The following TRAPPC8 variants were observed in gnomAD, a reference collection of about 807,000 sequenced individuals.
TRAPPC8 encodes trafficking protein particle complex subunit 8, also known as general sporulation gene 1 homolog.
A neutral mutation model predicts 174.3 loss-of-function variants in TRAPPC8; 54 were observed. The ratio of observed to expected loss-of-function variants is 0.31; its 90% CI spans 0.25 to 0.39. TRAPPC8 has a LOEUF of 0.39. TRAPPC8 is among the 10% of genes least tolerant of loss of function. TRAPPC8 has a pLI of 1.00. For missense variants in TRAPPC8, 1,531 were observed against 1,699.1 expected (o/e 0.90, Z 1.74); for synonymous variants, 630 against 579.9 (o/e 1.09, Z -1.24).
At chr18:31,850,339 G>C (rs1440087817) in intron 24 of TRAPPC8, among the ~76,000 whole-genome samples, 1 of 152,068 alleles carries the variant, frequency 6.6e-6, no homozygotes, top group Non-Finnish European at 1.5e-5. Context: ...AGTATCTAGG[G>C]AGAATGAATG....
chr18:31,902,348 T>TAAC (rs551963208), intron 9 of TRAPPC8, among the ~76,000 whole-genome samples: 1 of 151,830 alleles, frequency 6.6e-6, no homozygotes, highest in Non-Finnish European at 1.5e-5. Context: ...AAACAAACAA[T>TAAC]AACAACAACA....
chr18:31,886,029 G>C (rs2035694436), intron 12 of TRAPPC8, among the ~76,000 whole-genome samples: 1 of 150,546 alleles, frequency 6.6e-6, no homozygotes, highest in African/African-American at 2.4e-5. Flanking sequence ...TTTTGAGATG[G>C]AGTTTTGCTC....
At chr18:31,859,440 C>T (rs927696056) in intron 19 of TRAPPC8, among the ~76,000 whole-genome samples, 1 of 152,184 alleles carries the variant, frequency 6.6e-6, no homozygotes, top group African/African-American at 2.4e-5. Context: ...CACTGACTCT[C>T]TGTACTGATT....
chr18:31,889,162 A>G (rs763307906), intron 12 of TRAPPC8, among the ~76,000 whole-genome samples: 4 of 152,202 alleles, frequency 2.6e-5, no homozygotes, highest in Non-Finnish European at 4.4e-5. Flanking sequence ...AGTGGTCATG[A>G]AATAGCAAAC....
intron 20 of TRAPPC8, among the ~76,000 whole-genome samples, chr18:31,856,470 C>T (rs1003523199): frequency 6.7e-6 from 1 of 149,046 alleles, no homozygotes; most frequent in African/African-American, 2.5e-5. Context: ...TTAAGTGAGG[C>T]CCACCTCAGC....
chr18:31,846,569 C>T (rs577733123), intron 26 of TRAPPC8, 147 bp downstream of exon 26: 55 of 637,468 alleles, frequency 8.6e-5, no homozygotes, highest in Admixed American at 7.6e-4. Flanking sequence ...GAGTGAGATC[C>T]AGTCTCAAAA....
chr18:31,886,589 C>T (rs1365730922), intron 12 of TRAPPC8, among the ~76,000 whole-genome samples: 1 of 152,088 alleles, frequency 6.6e-6, no homozygotes, highest in Non-Finnish European at 1.5e-5. Flanking sequence ...CACTCTTCCC[C>T]AGCGTTTTTT....
At chr18:31,902,073 G>A (rs2036452314) in intron 9 of TRAPPC8, among the ~76,000 whole-genome samples, 1 of 152,204 alleles carries the variant, frequency 6.6e-6, no homozygotes, top group Non-Finnish European at 1.5e-5. Context: ...CCAGCACTTT[G>A]GGAGGCTTAG....
chr18:31,839,566 T>C, intron 26 of TRAPPC8, 109 bp from the exon 27 acceptor site: 2 of 990,568 alleles, frequency 2.0e-6, no homozygotes, highest in Non-Finnish European at 2.8e-6. Flanking sequence ...GATAATGTAA[T>C]GCATGAACAG....
intron 4 of TRAPPC8, among the ~76,000 whole-genome samples, chr18:31,914,322 C>T (rs1314059477): frequency 1.3e-5 from 2 of 152,162 alleles, no homozygotes; most frequent in East Asian, 1.9e-4. Flanking sequence ...AATGCAGATG[C>T]ATGTGTGTGT....
chr18:31,918,096 A>G (rs113729055), intron 2 of TRAPPC8, among the ~76,000 whole-genome samples: 1,719 of 152,314 alleles, frequency 0.011, 18 homozygotes, highest in Non-Finnish European at 0.019. Flanking sequence ...ACTGCACTCC[A>G]GCCTGGGTGA....
In TRAPPC8 at chr18:31,920,766, C is replaced by T. The variant is rs115454946; in HGVS notation, c.353-3099G>A. On this transcript the variant is annotated intron_variant, in intron 2 of 28. Coordinates refer to ENST00000283351, the MANE Select transcript of TRAPPC8 (RefSeq NM_014939.5). ...ATCAGCCTCGACCAACATGGTAGAA[C>T]GCTGTCTCTACTAAAAATGCAAAAA... 4.6e-3 allele frequency among the ~76,000 whole-genome samples: 702 copies of T among 151,966 alleles called. 4 individuals carry two copies. Among genetic ancestry groups the T allele is most frequent in the African/African-American group, 0.016 (661 of 41,462 alleles).
At chr18:31,935,950 G>A (rs932942741) in intron 1 of TRAPPC8, among the ~76,000 whole-genome samples, 13 of 151,334 alleles carry the variant, frequency 8.6e-5, no homozygotes, top group East Asian at 2.0e-4. Context: ...TGTTGGCCAC[G>A]CCGGTCTCAA....
intron 26 of TRAPPC8, among the ~76,000 whole-genome samples, chr18:31,841,310 A>G (rs1201471627): frequency 2.6e-5 from 4 of 151,998 alleles, no homozygotes; most frequent in Non-Finnish European, 4.4e-5. Flanking sequence ...TATCTTTCCA[A>G]TTGACAGCTT....
intron 18 of TRAPPC8, among the ~76,000 whole-genome samples, chr18:31,865,244 C>G (rs997452320): frequency 1.1e-4 from 16 of 152,014 alleles, no homozygotes; most frequent in African/African-American, 3.4e-4. Context: ...ATATAAATAA[C>G]TGAATCTTCT....
intron 1 of TRAPPC8, among the ~76,000 whole-genome samples, chr18:31,932,313 G>C (rs2037881304): frequency 6.6e-6 from 1 of 151,896 alleles, no homozygotes; most frequent in Non-Finnish European, 1.5e-5. Context: ...TGTAATCCCA[G>C]CTACTCAGGA....
chr18:31,942,620 G>A lies in TRAPPC8; in HGVS notation c.145C>T (p.Leu49Phe), dbSNP rs757551815. 1.9e-6 allele frequency: 3 copies of A among 1,604,730 alleles called. No homozygotes were observed. The highest frequency in any genetic ancestry group is 1.7e-5 in the Admixed American group (1 of 57,986). ...FAELLKPFSR[L>F]TSEVHMRDPN... ...GGATACCACATACCCTCGGAAGTGA[G>A]GCGGGAGAAGGGCTTAAGCAGCTCC... The change falls in exon 1 of 29, where the codon CTC (leucine) becomes TTC (phenylalanine). Residue 49 changes from leucine (L) to phenylalanine (F), a missense_variant. By Grantham distance (22) the Leu-to-Phe change is conservative. Coordinates refer to ENST00000283351, the MANE Select transcript of TRAPPC8 (RefSeq NM_014939.5).
intron 1 of TRAPPC8, chr18:31,937,485 TC>T (rs1490511795): frequency 6.6e-6 from 1 of 151,054 alleles, no homozygotes; most frequent in Non-Finnish European, 1.5e-5. Context: ...GCCACGGAGT[TC>T]AAGACCAGCC....
At chr18:31,846,609 C>A in intron 26 of TRAPPC8, 107 bp downstream of exon 26, 2 of 852,758 alleles carry the variant, frequency 2.3e-6, no homozygotes, top group South Asian at 2.0e-5. Flanking sequence ...AAAACAAAAC[C>A]TGAACAAACC....
Sources: gnomAD v4.1 joint callset for allele counts (sites outside exome capture counted in the v4.1 genomes callset) on GRCh38, gnomAD v4.1.1 for gene constraint, MANE v1.5 for transcripts, NCBI Gene and HGNC (gene_info 2026-07-23, HGNC 2026-07-21) for gene names.